The following SYNJ2 variants were observed in gnomAD, a reference collection of about 807,000 sequenced individuals.
SYNJ2 encodes synaptojanin 2.
A neutral mutation model predicts 141.3 loss-of-function variants in SYNJ2; 116 were observed. That is an observed-to-expected ratio of 0.82 (90% CI 0.71 to 0.96). The LOEUF (loss-of-function observed/expected upper bound fraction) is 0.96. SYNJ2 is among the 40% of genes least tolerant of loss of function. The pLI is 0.00. For synonymous variants in SYNJ2, 745 were observed against 777.7 expected (o/e 0.96, Z 0.70); for missense variants, 1,873 against 1,934.8 (o/e 0.97, Z 0.60).
intron 5 of SYNJ2, among the ~76,000 whole-genome samples, chr6:158,053,442 G>T (rs185777699): frequency 1.3e-5 from 2 of 152,108 alleles, no homozygotes; most frequent in African/African-American, 4.8e-5. Context: ...ATTTTTAAAT[G>T]ATTTCCTCCA....
Position 158,087,086 on chromosome 6 carries a change from G to A in SYNJ2, c.3343+97G>A, listed in dbSNP as rs927900086. On this transcript the variant is annotated intron_variant, in intron 23 of 26. Coordinates refer to ENST00000355585, the MANE Select transcript of SYNJ2 (RefSeq NM_003898.4). ...CACGGCTCCGAATCCACTTCTCCCC[G>A]GCCTTCCGGTCCCCACAGGGCTTCC... The A allele has an allele frequency of 1.7e-5, 25 of 1,428,956 alleles. No individual in the cohort carries two copies. The East Asian group carries it at 4.5e-4, about 26-fold the overall frequency. 88.5% of individuals were successfully genotyped at this position (1,428,956 alleles called of 1,614,324 possible). A position where few individuals can be genotyped will look rare whatever the true frequency, so the allele number is the denominator to read the frequency against.
At chr6:158,075,654 T>C (rs1288779925) in intron 16 of SYNJ2, among the ~76,000 whole-genome samples, 1 of 148,088 alleles carries the variant, frequency 6.8e-6, no homozygotes, top group Non-Finnish European at 1.5e-5. Context: ...AAAAAAAAAG[T>C]GTGAGGACAG....
chr6:158,000,119 T>C (rs988389693), intron 1 of SYNJ2, among the ~76,000 whole-genome samples: 6 of 132,932 alleles, frequency 4.5e-5, no homozygotes, highest in Non-Finnish European at 9.3e-5. Flanking sequence ...AGGAGCTAAT[T>C]CTAGGTACAG....
chr6:157,985,535 C>T (rs560120164), intron 1 of SYNJ2, among the ~76,000 whole-genome samples: 11 of 152,292 alleles, frequency 7.2e-5, no homozygotes, highest in African/African-American at 2.2e-4. Context: ...GTACCAGCAT[C>T]CCTGGCCAAC....
intron 23 of SYNJ2, among the ~76,000 whole-genome samples, chr6:158,087,285 C>T (rs1454909696): frequency 2.6e-5 from 4 of 152,174 alleles, no homozygotes. Context: ...GAATGGGGGC[C>T]GCAGCCATGG....
At position 158,098,145 on chromosome 6, in the gene SYNJ2, C is replaced by T. The variant is rs190056175; in HGVS notation, c.*1781C>T. 2 of 152,254 alleles carry T rather than the reference C, an allele frequency of 1.3e-5. No homozygotes were observed. Among genetic ancestry groups the T allele is most frequent in the Admixed American group, 1.3e-4 (2 of 15,294 alleles). 9.4% of individuals were successfully genotyped at this position (152,254 alleles called of 1,614,324 possible). On this transcript the variant is annotated 3_prime_UTR_variant, in exon 27 of 27. Coordinates refer to ENST00000355585, the MANE Select transcript of SYNJ2 (RefSeq NM_003898.4). ...CATTCAAATGCTCTTTTCCCTATAA[C>T]CTCTTTTCTCACCAAAAAGGAGATA... is the stretch of plus-strand genomic sequence containing the variant.
intron 12 of SYNJ2, chr6:158,067,730 C>A (rs529856938): frequency 2.0e-6 from 2 of 984,782 alleles, no homozygotes; most frequent in Non-Finnish European, 2.4e-6. Flanking sequence ...TGTGCACACG[C>A]CATCTGTGCC....
At chr6:158,078,810 A>ATTTCT (rs1562392298) in intron 18 of SYNJ2, 1 of 81,184 alleles carries the variant, frequency 1.2e-5, no homozygotes, top group Non-Finnish European at 2.3e-5. Flanking sequence ...TTTTTTTTTG[A>ATTTCT]GAGAGAGTCT....
chr6:158,095,668 CG>C lies in SYNJ2; in HGVS notation c.3798del (p.Pro1268ArgfsTer11), dbSNP rs766673139. 2 of 1,612,354 alleles carry C rather than the reference CG, an allele frequency of 1.2e-6. No individual in the cohort carries two copies. The highest frequency in any genetic ancestry group is 1.7e-6 in the Non-Finnish European group (2 of 1,179,356). On this transcript the variant is annotated frameshift_variant, in exon 27 of 27. Coordinates refer to ENST00000355585, the MANE Select transcript of SYNJ2 (RefSeq NM_003898.4). LOFTEE classifies it low-confidence loss of function (END_TRUNC). ...FEQQTVHFTIGPPETSVEAPP... is the reference protein window; with the variant it reads ...FEQQTVHFTIXPPETSVEAPP... ...AGCAACAGACTGTCCATTTTACAATCGGGCCCCCGGAGACAAGCGTTGAGGC... is the reference window on the plus strand; with the variant it reads ...AGCAACAGACTGTCCATTTTACAATCGGCCCCCGGAGACAAGCGTTGAGGC...
In SYNJ2 at chr6:158,043,236, T is replaced by G. The variant is rs6919013; in HGVS notation, c.712-80T>G. The stretch of plus-strand genomic sequence containing the variant: ...ATTCTGGCTGGTGTCGGGTCACAGG[T>G]GGCCGGATCCCGTTACCCAGCCCAG... On this transcript the variant is annotated intron_variant, in intron 4 of 26. Coordinates refer to ENST00000355585, the MANE Select transcript of SYNJ2 (RefSeq NM_003898.4). The surrounding 1 kb of genome is among the most constrained non-coding windows in gnomAD (Gnocchi z 4.0). 1.6e-6 allele frequency: 2 copies of G among 1,263,356 alleles called. No individual in the cohort carries two copies. Among genetic ancestry groups the G allele is most frequent in the Non-Finnish European group, 2.3e-6 (2 of 875,668 alleles). 78.3% of individuals were successfully genotyped at this position (1,263,356 alleles called of 1,614,324 possible). A position where few individuals can be genotyped will look rare whatever the true frequency, so the allele number is the denominator to read the frequency against.
intron 2 of SYNJ2, 115 bp downstream of exon 2, chr6:158,017,405 CTTTTTTTTTTT>C (rs34667973): frequency 1.0e-5 from 6 of 599,276 alleles, no homozygotes; most frequent in East Asian, 5.0e-5. Context: ...TCTCTCTCTT[CTTTTTTTTTTT>C]TTTTTTTTTT....
intron 20 of SYNJ2, among the ~76,000 whole-genome samples, chr6:158,082,479 T>C (rs2128390098): frequency 8.8e-6 from 1 of 113,854 alleles, no homozygotes; most frequent in African/African-American, 3.8e-5. Context: ...AGTGTGAGAC[T>C]CTGTCTCCAA....
At chr6:157,990,413 C>A (rs893796969) in intron 1 of SYNJ2, among the ~76,000 whole-genome samples, 1 of 152,218 alleles carries the variant, frequency 6.6e-6, no homozygotes, top group Non-Finnish European at 1.5e-5. Flanking sequence ...CCACACACCC[C>A]CTGAGGACAG....
At chr6:157,984,390 A>G (rs1393250102) in intron 1 of SYNJ2, among the ~76,000 whole-genome samples, 1 of 152,010 alleles carries the variant, frequency 6.6e-6, no homozygotes, top group Non-Finnish European at 1.5e-5. Context: ...TTTCTTGGAG[A>G]AAGTGATTAT....
In SYNJ2 at chr6:158,074,679, C is replaced by G; in HGVS notation, c.2233C>G (p.Gln745Glu). Residue 745 changes from glutamine to glutamate, a missense_variant, in exon 16 of 27, where the codon CAA (glutamine) becomes GAA (glutamate). By Grantham distance (29) the Gln-to-Glu change is conservative. Transcript: ENST00000355585. ...AGAAGTCTTCTATTTTGTTAAACGC[C>G]AAGACTGGAAGAAACTTCTGGAATT... ...YEEVFYFVKR[Q>E]DWKKLLEFDQ... 6.2e-7 allele frequency: 1 copy of G among 1,613,978 alleles called. No homozygotes were observed. Among genetic ancestry groups the G allele is most frequent in the Non-Finnish European group, 8.5e-7 (1 of 1,179,990 alleles).
intron 21 of SYNJ2, among the ~76,000 whole-genome samples, 189 bp from the exon 22 acceptor site, chr6:158,083,812 G>A (rs558819181): frequency 1.1e-4 from 16 of 152,298 alleles, no homozygotes; most frequent in African/African-American, 3.4e-4. Context: ...ACAAACAGTG[G>A]CTATGAGGAT....
At chr6:157,984,547 G>T (rs1410693221) in intron 1 of SYNJ2, among the ~76,000 whole-genome samples, 1 of 152,094 alleles carries the variant, frequency 6.6e-6, no homozygotes, top group African/African-American at 2.4e-5. Context: ...AGGATTACAG[G>T]CACACGCCAC....
At chr6:158,055,921 C>T (rs1221887867) in intron 6 of SYNJ2, among the ~76,000 whole-genome samples, 2 of 152,132 alleles carry the variant, frequency 1.3e-5, no homozygotes, top group Non-Finnish European at 2.9e-5. Flanking sequence ...ATTAGTATGT[C>T]CTGAGCATTC....
At chr6:158,010,854 G>A (rs570643617) in intron 1 of SYNJ2, among the ~76,000 whole-genome samples, 1 of 149,360 alleles carries the variant, frequency 6.7e-6, no homozygotes, top group East Asian at 2.0e-4. Flanking sequence ...ACAACAGGGG[G>A]ATGTCAGGAG....
Sources: allele counts gnomAD v4.1 joint callset (sites outside exome capture counted in the v4.1 genomes callset), GRCh38; gene constraint gnomAD v4.1.1; non-coding constraint Gnocchi (gnomAD v3.1); transcripts MANE v1.5; gene names NCBI Gene and HGNC (gene_info 2026-07-23, HGNC 2026-07-21).